Variants in SNTG1 observed in about 807,000 individuals in gnomAD.
SNTG1 encodes syntrophin gamma 1.
Under a neutral mutation model 74.7 loss-of-function variants are expected in SNTG1, and 39 were observed. The observed-to-expected ratio is 0.52, with a 90% confidence interval of 0.40 to 0.68. The LOEUF (loss-of-function observed/expected upper bound fraction) is 0.68. Among genes scored for constraint, SNTG1 ranks in the 30% least tolerant of loss-of-function variants. The pLI is 0.00. For synonymous variants in SNTG1, 254 were observed against 217.1 expected (o/e 1.17, Z -1.49); for missense variants, 685 against 609.5 (o/e 1.12, Z -1.30).
At chr8:50,418,680 A>C (rs1489564259) in intron 4 of SNTG1, among the ~76,000 whole-genome samples, 1 of 152,104 alleles carries the variant, frequency 6.6e-6, no homozygotes, top group Non-Finnish European at 1.5e-5. Context: ...GTTTTAGTTA[A>C]ACTTCATGTT....
intron 1 of SNTG1, among the ~76,000 whole-genome samples, chr8:50,036,148 C>G (rs772778932): frequency 4.6e-5 from 7 of 152,140 alleles, no homozygotes; most frequent in African/African-American, 1.4e-4. Flanking sequence ...CATGTGAATG[C>G]ACAAGAATAT....
intron 11 of SNTG1, among the ~76,000 whole-genome samples, chr8:50,547,653 G>A (rs1183436293): frequency 6.6e-6 from 1 of 152,000 alleles, no homozygotes; most frequent in Non-Finnish European, 1.5e-5. Context: ...CAGGGTGCTT[G>A]AATATCTCTG....
chr8:50,630,089 T>C (rs1483101349), intron 13 of SNTG1, among the ~76,000 whole-genome samples: 1 of 152,184 alleles, frequency 6.6e-6, no homozygotes, highest in Non-Finnish European at 1.5e-5. Context: ...GGTAAAAAAT[T>C]ACAGGTGATA....
chr8:50,108,558 G>T (rs2080466540), intron 1 of SNTG1, among the ~76,000 whole-genome samples: 1 of 152,140 alleles, frequency 6.6e-6, no homozygotes, highest in Non-Finnish European at 1.5e-5. Flanking sequence ...AAACATTCAT[G>T]AAGGGAAAAA....
At chr8:50,597,432 T>TATATAA (rs1315623957) in intron 13 of SNTG1, among the ~76,000 whole-genome samples, 2 of 149,990 alleles carry the variant, frequency 1.3e-5, no homozygotes, top group African/African-American at 4.9e-5. Context: ...CATATATATA[T>TATATAA]GCCACATGTT....
intron 15 of SNTG1, among the ~76,000 whole-genome samples, chr8:50,699,688 T>C (rs1445557235): frequency 6.6e-6 from 1 of 152,178 alleles, no homozygotes; most frequent in Non-Finnish European, 1.5e-5. Context: ...AAATGATACT[T>C]TCCAGTTGGC....
At chr8:50,561,385 G>A (rs867083537) in intron 12 of SNTG1, among the ~76,000 whole-genome samples, 3 of 151,942 alleles carry the variant, frequency 2.0e-5, no homozygotes, top group Admixed American at 6.6e-5. Context: ...GACTAAAACA[G>A]TTAATTTACA....
intron 13 of SNTG1, among the ~76,000 whole-genome samples, chr8:50,595,596 T>A (rs1434755843): frequency 1.3e-5 from 2 of 152,070 alleles, no homozygotes; most frequent in Non-Finnish European, 2.9e-5. Flanking sequence ...TTGAAAGAAC[T>A]GTCTTAATTC....
chr8:50,154,575 A>T (rs1259007418), intron 1 of SNTG1, among the ~76,000 whole-genome samples: 1 of 152,194 alleles, frequency 6.6e-6, no homozygotes, highest in Non-Finnish European at 1.5e-5. Flanking sequence ...GGTATATGTT[A>T]CCAGAAATAA....
At chr8:50,384,686 G>C (rs2092545997) in intron 2 of SNTG1, among the ~76,000 whole-genome samples, 1 of 152,114 alleles carries the variant, frequency 6.6e-6, no homozygotes, top group African/African-American at 2.4e-5. Context: ...TCTAACCCAA[G>C]TCAACTTTTC....
At chr8:50,675,697 A>T (rs531828994) in intron 15 of SNTG1, among the ~76,000 whole-genome samples, 2 of 152,180 alleles carry the variant, frequency 1.3e-5, no homozygotes, top group South Asian at 4.1e-4. Context: ...TGATCCTGTC[A>T]TCATGATGTT....
intron 18 of SNTG1, among the ~76,000 whole-genome samples, chr8:50,759,594 G>A (rs895476384): frequency 6.6e-6 from 1 of 151,836 alleles, no homozygotes. Flanking sequence ...GTTTTTGTCA[G>A]GTTTGTGAAA....
At chr8:50,021,952 A>C in intron 1 of SNTG1, among the ~76,000 whole-genome samples, 1 of 144,676 alleles carries the variant, frequency 6.9e-6, no homozygotes, top group Non-Finnish European at 1.5e-5. Context: ...AAAAAAATAA[A>C]AATAAAAATA....
At chr8:50,073,456 C>T (rs1298231078) in intron 1 of SNTG1, among the ~76,000 whole-genome samples, 1 of 152,126 alleles carries the variant, frequency 6.6e-6, no homozygotes, top group Non-Finnish European at 1.5e-5. Flanking sequence ...TTTAACCCCT[C>T]AAAGTCATCA....
chr8:50,611,432 T>A (rs545045547), intron 13 of SNTG1, among the ~76,000 whole-genome samples: 2 of 152,164 alleles, frequency 1.3e-5, no homozygotes, highest in Non-Finnish European at 2.9e-5. Flanking sequence ...GAACTGTAGA[T>A]ACACAGCATA....
At chr8:50,728,088 G>A (rs1291158308) in intron 17 of SNTG1, among the ~76,000 whole-genome samples, 1 of 152,094 alleles carries the variant, frequency 6.6e-6, no homozygotes, top group Admixed American at 6.5e-5. Flanking sequence ...GCTGCAACCT[G>A]TCCTAAATCC....
Position 50,752,605 on chromosome 8 carries a change from G to A in SNTG1, c.1395+494G>A, listed in dbSNP as rs577418983. ...ATTATAAATGCATTATCCCAGTATAGAGAAAAGGGTAAATAACAAAGTGAA... is the reference window on the plus strand; with the variant it reads ...ATTATAAATGCATTATCCCAGTATAAAGAAAAGGGTAAATAACAAAGTGAA... On this transcript the variant is annotated intron_variant, in intron 18 of 18. Coordinates refer to ENST00000642720, the MANE Select transcript of SNTG1 (RefSeq NM_018967.5). 1.0e-3 allele frequency among the ~76,000 whole-genome samples: 158 copies of A among 151,884 alleles called. 1 individual carries two copies. Among genetic ancestry groups the A allele is most frequent in the African/African-American group, 3.6e-3 (151 of 41,462 alleles).
chr8:49,994,107 T>C (rs1486892404), intron 1 of SNTG1, among the ~76,000 whole-genome samples: 1 of 152,114 alleles, frequency 6.6e-6, no homozygotes, highest in Admixed American at 6.6e-5. Flanking sequence ...TATGTGTACA[T>C]ACAAGTATAT....
At chr8:50,425,040 A>G (rs1318273807) in intron 4 of SNTG1, among the ~76,000 whole-genome samples, 1 of 152,156 alleles carries the variant, frequency 6.6e-6, no homozygotes, top group African/African-American at 2.4e-5. Context: ...CATAGTAGAG[A>G]TAGCATTTTT....
Sources: gnomAD v4.1 joint callset for allele counts (sites outside exome capture counted in the v4.1 genomes callset) on GRCh38, gnomAD v4.1.1 for gene constraint, MANE v1.5 for transcripts, NCBI Gene and HGNC (gene_info 2026-07-23, HGNC 2026-07-21) for gene names.